Variants in PPT1 observed in about 807,000 individuals in gnomAD.
PPT1 encodes the protein ceroid-palmitoyl-palmitoyl-protein thioesterase 1.
In PPT1, 24 loss-of-function variants were observed where a neutral mutation model predicts 44.0. That is an observed-to-expected ratio of 0.54 (90% CI 0.39 to 0.77). The LOEUF (loss-of-function observed/expected upper bound fraction) is 0.77. Among genes scored for constraint, PPT1 ranks in the 30% least tolerant of loss-of-function variants. The probability of loss-of-function intolerance (pLI) is 0.00; values close to 1 mark genes in which losing one functional copy is unlikely to be tolerated. For synonymous variants in PPT1, 148 were observed against 140.2 expected, an observed-to-expected ratio of 1.06 and a Z score of -0.39; for missense variants, 341 against 378.8, an observed-to-expected ratio of 0.90 and a Z score of 0.83.
intron 6 of PPT1, 22 bp downstream of exon 6, chr1:40,080,375 G>A (rs774008532): frequency 2.9e-5 from 47 of 1,605,932 alleles, no homozygotes; most frequent in Non-Finnish European, 3.9e-5. Flanking sequence ...CACATCTATG[G>A]GAGCCCGGTT....
At chr1:40,093,381 AATAGG>A (rs57461768) in intron 1 of PPT1, among the ~76,000 whole-genome samples, 126,028 of 151,870 alleles carry the variant, frequency 0.83, 52,781 homozygotes, top group Non-Finnish European at 0.89. Flanking sequence ...AGGAGGGGGC[AATAGG>A]GAGTGATTGC....
chr1:40,096,334 G>T (rs538759992), intron 1 of PPT1, among the ~76,000 whole-genome samples: 4 of 152,248 alleles, frequency 2.6e-5, no homozygotes, highest in African/African-American at 9.6e-5. Flanking sequence ...AAAGAACAAA[G>T]AATTTAGTCT....
intron 3 of PPT1, 140 bp downstream of exon 3, chr1:40,091,905 G>T: frequency 9.6e-7 from 1 of 1,040,572 alleles, no homozygotes; most frequent in Non-Finnish European, 1.4e-6. Context: ...GTTCCATAAA[G>T]CTTCTTACAC....
At position 40,092,384 on chromosome 1, in the gene PPT1, G is replaced by A. The variant is rs779785372; in HGVS notation, c.234+14C>T. 4.4e-6 allele frequency: 7 copies of A among 1,582,168 alleles called. No individual in the cohort carries two copies. The African/African-American group carries it at 9.4e-5, about 21-fold the overall frequency. On this transcript the variant is annotated intron_variant, in intron 2 of 8. Transcript: ENST00000642050. ...TCAGCAACCCTTCAAAGGAACAGCT[G>A]TGAAGCGCCTTACCTCCATCAGGGT...
chr1:40,078,986 C>T (rs1180706779), intron 6 of PPT1, among the ~76,000 whole-genome samples: 1 of 152,084 alleles, frequency 6.6e-6, no homozygotes, highest in Non-Finnish European at 1.5e-5. Flanking sequence ...GTTTTTCAGC[C>T]CTAGCCTCTC....
At chr1:40,092,552 T>G (rs1243369202) in intron 1 of PPT1, 45 bp from the exon 2 acceptor site, 3 of 1,436,670 alleles carry the variant, frequency 2.1e-6, no homozygotes, top group Non-Finnish European at 2.9e-6. Flanking sequence ...GTCCAAATAT[T>G]GTTTATTGTT....
intron 4 of PPT1, 41 bp from the exon 5 acceptor site, chr1:40,089,553 A>G (rs1179844500): frequency 2.1e-6 from 3 of 1,399,784 alleles, no homozygotes; most frequent in Non-Finnish European, 3.0e-6. Context: ...TTCAATAATG[A>G]TGTATCGAAT....
chr1:40,082,481 A>G (rs949918695), intron 5 of PPT1, among the ~76,000 whole-genome samples: 5 of 152,272 alleles, frequency 3.3e-5, no homozygotes, highest in African/African-American at 4.8e-5. Context: ...CACACAAATA[A>G]TAAGGAAGCA....
At chr1:40,091,248 T>C (rs765890869) in intron 4 of PPT1, 81 bp downstream of exon 4, 46 of 1,404,082 alleles carry the variant, frequency 3.3e-5, no homozygotes, top group Admixed American at 5.4e-5. Flanking sequence ...CTTGTGCAAA[T>C]ATAGTTCCTA....
chr1:40,072,252 GAAA>G (rs61352266), downstream of PPT1: 105 of 160,074 alleles, frequency 6.6e-4, no homozygotes, highest in South Asian at 9.6e-4. Context: ...ACTTTAAAAG[GAAA>G]AAAAAAAAAA....
intron 5 of PPT1, among the ~76,000 whole-genome samples, chr1:40,087,396 C>T (rs926842161): frequency 2.6e-5 from 4 of 151,962 alleles, no homozygotes; most frequent in African/African-American, 7.2e-5. Context: ...GTGTGCACCA[C>T]CACGCCTGCC....
At position 40,073,427 on chromosome 1, in the gene PPT1, CCTT is replaced by C. The variant is rs979488340; in HGVS notation, c.*631_*633del. On this transcript the variant is annotated 3_prime_UTR_variant, in exon 9 of 9. Transcript: ENST00000642050. ...AACTTAATTTGGGTGCTACTTCCCTCCTTTTGTGACAGCAACTAATTCATCACT... is the reference window on the plus strand; with the variant it reads ...AACTTAATTTGGGTGCTACTTCCCTCTTGTGACAGCAACTAATTCATCACT... 6.5e-6 allele frequency: 1 copy of C among 152,854 alleles called. No individual in the cohort carries two copies. Among genetic ancestry groups the C allele is most frequent in the Admixed American group, 6.5e-5 (1 of 15,358 alleles). 9.5% of individuals were successfully genotyped at this position (152,854 alleles called of 1,614,324 possible). A position where few individuals can be genotyped will look rare whatever the true frequency, so the allele number is the denominator to read the frequency against.
intron 6 of PPT1, among the ~76,000 whole-genome samples, chr1:40,079,392 C>CTTTTTT (rs11464192): frequency 3.9e-4 from 35 of 90,094 alleles, no homozygotes; most frequent in Admixed American, 6.3e-4. Context: ...TTTTCTTTTC[C>CTTTTTT]TTTTTTTTTT....
At chr1:40,081,492 A>C (rs1377892352) in intron 5 of PPT1, among the ~76,000 whole-genome samples, 3 of 152,060 alleles carry the variant, frequency 2.0e-5, no homozygotes, top group Non-Finnish European at 4.4e-5. Flanking sequence ...AGCCAAGATC[A>C]CGCCATTGCA....
intron 3 of PPT1, among the ~76,000 whole-genome samples, chr1:40,091,819 C>T (rs941754570): frequency 3.3e-5 from 5 of 149,852 alleles, no homozygotes; most frequent in African/African-American, 9.9e-5. Flanking sequence ...GAGCTGAGAT[C>T]GCGCCACTGC....
chr1:40,074,013 T>C lies in PPT1; in HGVS notation c.*48A>G, dbSNP rs1038463663. ...TGAAGGAAACTGTCTCCCATGTGGT[T>C]TGGAAGAGTTAGGGGCTCCCTGAGC... On this transcript the variant is annotated 3_prime_UTR_variant, in exon 9 of 9. Transcript: ENST00000642050. 7 of 1,612,042 alleles carry C rather than the reference T, an allele frequency of 4.3e-6. No homozygotes were observed. Among genetic ancestry groups the C allele is most frequent in the African/African-American group, 2.7e-5 (2 of 74,844 alleles).
intron 7 of PPT1, among the ~76,000 whole-genome samples, chr1:40,078,354 T>C (rs1184665261): frequency 6.6e-6 from 1 of 152,166 alleles, no homozygotes; most frequent in African/African-American, 2.4e-5. Context: ...GCTGTCACCA[T>C]ACCCGGCTAA....
At chr1:40,093,561 C>G (rs1277759123) in intron 1 of PPT1, among the ~76,000 whole-genome samples, 1 of 152,080 alleles carries the variant, frequency 6.6e-6, no homozygotes, top group Non-Finnish European at 1.5e-5. Flanking sequence ...TTTTGCTTAG[C>G]TCCTGTTTAT....
chr1:40,090,480 A>G (rs774680469), intron 4 of PPT1, among the ~76,000 whole-genome samples: 2 of 151,972 alleles, frequency 1.3e-5, no homozygotes, highest in Non-Finnish European at 2.9e-5. Flanking sequence ...ATATGTGCAC[A>G]TGTGTGTGTG....
Sources: gnomAD v4.1 joint callset for allele counts (sites outside exome capture counted in the v4.1 genomes callset) on GRCh38, gnomAD v4.1.1 for gene constraint, MANE v1.5 for transcripts, NCBI Gene and HGNC (gene_info 2026-07-23, HGNC 2026-07-21) for gene names.